PCSK5: variants seen among roughly 807,000 people sequenced by gnomAD.
The protein encoded by PCSK5 is prohormone convertase 5.
A neutral mutation model predicts 233.2 loss-of-function variants in PCSK5; 129 were observed. That is an observed-to-expected ratio of 0.55 (90% CI 0.48 to 0.64). The LOEUF is 0.64. PCSK5 is among the 30% of genes least tolerant of loss of function. The probability of loss-of-function intolerance (pLI) is 0.00; values close to 1 mark genes in which losing one functional copy is unlikely to be tolerated. For synonymous variants in PCSK5, 825 were observed against 879.2 expected (o/e 0.94, Z 1.09); for missense variants, 2,076 against 2,430.1 (o/e 0.85, Z 3.06).
At chr9:75,979,888 G>C (rs1406695346) in intron 2 of PCSK5, among the ~76,000 whole-genome samples, 2 of 152,142 alleles carry the variant, frequency 1.3e-5, no homozygotes, top group Non-Finnish European at 2.9e-5. Context: ...ATGAAAGTCA[G>C]TTGGCTGTTT....
chr9:76,155,602 G>A (rs7047773), intron 10 of PCSK5, among the ~76,000 whole-genome samples: 113,739 of 152,132 alleles, frequency 0.75, 42,998 homozygotes, highest in East Asian at 1. Flanking sequence ...AAGGCATTCA[G>A]GAAATGATGG....
chr9:75,994,518 G>C (rs1184685188), intron 3 of PCSK5, among the ~76,000 whole-genome samples: 1 of 141,564 alleles, frequency 7.1e-6, no homozygotes, highest in East Asian at 2.3e-4. Flanking sequence ...TCCGCCTCCT[G>C]GGTTCATGCA....
intron 8 of PCSK5, among the ~76,000 whole-genome samples, chr9:76,098,492 C>A (rs1364425673): frequency 6.6e-6 from 1 of 152,210 alleles, no homozygotes; most frequent in Non-Finnish European, 1.5e-5. Flanking sequence ...TCATGGTCAA[C>A]GTCCACTAGC....
intron 24 of PCSK5, among the ~76,000 whole-genome samples, chr9:76,259,058 T>C (rs141668365): frequency 2.8e-3 from 432 of 152,368 alleles, no homozygotes; most frequent in Middle Eastern, 0.014. Context: ...TGGCGCATGA[T>C]GCTTTTACTC....
chr9:76,094,804 T>G (rs1401932364), intron 7 of PCSK5, among the ~76,000 whole-genome samples: 1 of 152,104 alleles, frequency 6.6e-6, no homozygotes, highest in Admixed American at 6.5e-5. Flanking sequence ...GAGATAGAGT[T>G]TCCCCATGTT....
chr9:76,028,645 A>T lies in PCSK5; in HGVS notation c.632+1608A>T, dbSNP rs867606055. Among the ~76,000 whole-genome samples, 4 of 152,268 alleles carry T rather than the reference A, an allele frequency of 2.6e-5. No homozygotes were observed. In the Middle Eastern group the frequency reaches 0.014, roughly 518 times the overall value. ...TCTTAGGTTTTACAGCAGTGATGTT[A>T]TCCCCAGGAGCAATTTGGGGAGTTC... On this transcript the variant is annotated intron_variant, in intron 5 of 37. Coordinates refer to ENST00000674117, the MANE Select transcript of PCSK5 (RefSeq NM_001372043.1).
chr9:76,198,053 T>G (rs952259784), intron 20 of PCSK5, among the ~76,000 whole-genome samples: 3 of 152,214 alleles, frequency 2.0e-5, no homozygotes, highest in Admixed American at 6.5e-5. Context: ...AGGTCCAGAT[T>G]CAGTTATTGA....
intron 1 of PCSK5, among the ~76,000 whole-genome samples, chr9:75,906,106 T>G (rs1826253736): frequency 6.6e-6 from 1 of 152,106 alleles, no homozygotes; most frequent in South Asian, 2.1e-4. Flanking sequence ...TGAGTAAAAT[T>G]ATTTCAAATT....
intron 20 of PCSK5, among the ~76,000 whole-genome samples, chr9:76,201,471 G>T (rs1394276991): frequency 6.6e-6 from 1 of 152,206 alleles, no homozygotes; most frequent in Non-Finnish European, 1.5e-5. Context: ...TTTAAACCCA[G>T]ACAATCTGAT....
chr9:75,973,531 A>G (rs866409570), intron 2 of PCSK5, among the ~76,000 whole-genome samples: 7 of 152,316 alleles, frequency 4.6e-5, no homozygotes, highest in Middle Eastern at 6.8e-3. Context: ...GCAAGGCACT[A>G]GCATAGCCAC....
chr9:75,966,042 TG>T (rs1825570040), intron 2 of PCSK5, among the ~76,000 whole-genome samples: 2 of 152,210 alleles, frequency 1.3e-5, no homozygotes, highest in South Asian at 4.1e-4. Flanking sequence ...ACAAGTCCAG[TG>T]CAAGGATCAA....
chr9:76,292,334 A>G, intron 25 of PCSK5, 59 bp downstream of exon 25: 1 of 1,043,920 alleles, frequency 9.6e-7, no homozygotes, highest in Non-Finnish European at 1.5e-6. Context: ...CATTACTGAC[A>G]TAATCCTCAA....
At chr9:76,173,496 C>CTTTTTT (rs59248860) in intron 13 of PCSK5, among the ~76,000 whole-genome samples, 17 of 61,000 alleles carry the variant, frequency 2.8e-4, no homozygotes, top group African/African-American at 5.6e-4. Flanking sequence ...GGCACGTTTC[C>CTTTTTT]TTTTTTTTTT....
intron 2 of PCSK5, among the ~76,000 whole-genome samples, chr9:75,980,530 T>G (rs572141914): frequency 3.2e-4 from 49 of 152,334 alleles, no homozygotes; most frequent in Admixed American, 7.2e-4. Flanking sequence ...CAAGTAAAAC[T>G]TCTCCATCAC....
intron 1 of PCSK5, among the ~76,000 whole-genome samples, chr9:75,904,013 C>T (rs1826164298): frequency 6.6e-6 from 1 of 152,268 alleles, no homozygotes; most frequent in South Asian, 2.1e-4. Flanking sequence ...GGATTTATTA[C>T]AGGCTAGCTT....
intron 7 of PCSK5, among the ~76,000 whole-genome samples, chr9:76,075,874 G>A (rs1036220879): frequency 1.3e-5 from 2 of 152,136 alleles, no homozygotes; most frequent in Non-Finnish European, 2.9e-5. Context: ...TCTATATGCT[G>A]TAGATAAAGG....
intron 20 of PCSK5, among the ~76,000 whole-genome samples, chr9:76,200,989 G>A (rs1587751796): frequency 6.6e-6 from 1 of 152,224 alleles, no homozygotes; most frequent in East Asian, 1.9e-4. Flanking sequence ...AGAATGCTGA[G>A]GCGGCCAGAT....
intron 3 of PCSK5, among the ~76,000 whole-genome samples, chr9:75,998,057 A>G (rs1395460988): frequency 6.6e-6 from 1 of 152,186 alleles, no homozygotes; most frequent in Non-Finnish European, 1.5e-5. Context: ...TGTTCTTCTA[A>G]TAGTCTCGTT....
chr9:76,322,284 T>C (rs1239369964), intron 31 of PCSK5, among the ~76,000 whole-genome samples: 4 of 152,134 alleles, frequency 2.6e-5, no homozygotes, highest in African/African-American at 9.7e-5. Context: ...TCTTACAGAC[T>C]GATAGTAAGC....
Sources: gnomAD v4.1 joint callset for allele counts (sites outside exome capture counted in the v4.1 genomes callset) on GRCh38, gnomAD v4.1.1 for gene constraint, MANE v1.5 for transcripts, NCBI Gene and HGNC (gene_info 2026-07-23, HGNC 2026-07-21) for gene names.